ABL1: variants seen among roughly 807,000 people sequenced by gnomAD.
The protein encoded by ABL1 is tyrosine-protein kinase ABL1.
Under a neutral mutation model 94.7 loss-of-function variants are expected in ABL1, and 11 were observed. The observed-to-expected ratio is 0.12, with a 90% CI of 0.07 to 0.19. ABL1 has a LOEUF of 0.19. ABL1 is among the 10% of genes least tolerant of loss of function. The pLI is 1.00. For missense variants in ABL1, 1,082 were observed against 1,489.4 expected, an observed-to-expected ratio of 0.73 and a Z score of 4.50; for synonymous variants, 656 against 622.4, an observed-to-expected ratio of 1.05 and a Z score of -0.80.
chr9:130,767,440 C>G (rs532442690), intron 1 of ABL1, among the ~76,000 whole-genome samples: 1 of 152,328 alleles, frequency 6.6e-6, no homozygotes, highest in Admixed American at 6.5e-5. Flanking sequence ...TCAAGCGATT[C>G]TTGTGCCTCA....
chr9:130,751,630 A>ATC (rs10631003), intron 1 of ABL1, among the ~76,000 whole-genome samples: 151,643 of 152,188 alleles, frequency 1, 75,552 homozygotes, highest in East Asian at 1. Context: ...CAGCTGTAGA[A>ATC]TCTGCCACAA....
At chr9:130,723,569 A>G (rs1395803015) in intron 1 of ABL1, among the ~76,000 whole-genome samples, 1 of 151,862 alleles carries the variant, frequency 6.6e-6, no homozygotes, top group Non-Finnish European at 1.5e-5. Flanking sequence ...CAAACAAACA[A>G]ACAAAAAACA....
intron 1 of ABL1, among the ~76,000 whole-genome samples, chr9:130,787,671 T>C (rs11244140): frequency 0.24 from 36,274 of 152,064 alleles, 5,590 homozygotes; most frequent in African/African-American, 0.45. Context: ...CCAGTCGTCG[T>C]CACGAGCACC....
chr9:130,779,329 A>G (rs1279748429), intron 1 of ABL1, among the ~76,000 whole-genome samples: 1 of 152,282 alleles, frequency 6.6e-6, no homozygotes, highest in Non-Finnish European at 1.5e-5. Flanking sequence ...CTGGAAAAGC[A>G]GCAGCACAGT....
intron 7 of ABL1, among the ~76,000 whole-genome samples, chr9:130,877,663 C>T (rs1475875369): frequency 6.9e-6 from 1 of 144,948 alleles, no homozygotes; most frequent in Non-Finnish European, 1.5e-5. Context: ...ATTTTTGAGA[C>T]GGGGTCTTGC....
At chr9:130,748,288 T>C (rs575988199) in intron 1 of ABL1, among the ~76,000 whole-genome samples, 9 of 152,372 alleles carry the variant, frequency 5.9e-5, no homozygotes, top group South Asian at 2.1e-4. Context: ...TTTGTCGTTA[T>C]ACAGTATGGT....
chr9:130,851,766 CTTTTTT>C (rs149948786), intron 1 of ABL1, among the ~76,000 whole-genome samples: 1 of 122,792 alleles, frequency 8.1e-6, no homozygotes, highest in African/African-American at 3.1e-5. Context: ...CTCTCTTTTT[CTTTTTT>C]TTTTTTTTTT....
intron 1 of ABL1, among the ~76,000 whole-genome samples, chr9:130,730,060 T>TTTTTTTTTTTTTTTTA (rs1831642886): frequency 7.0e-6 from 1 of 142,622 alleles, no homozygotes; most frequent in Non-Finnish European, 1.5e-5. Context: ...TTTTTTTTTT[T>TTTTTTTTTTTTTTTTA]GAGATGGAAT....
intron 1 of ABL1, among the ~76,000 whole-genome samples, chr9:130,771,290 G>A (rs1353038544): frequency 6.6e-6 from 1 of 150,836 alleles, no homozygotes; most frequent in Non-Finnish European, 1.5e-5. Context: ...TCACTATGTT[G>A]CCCAGGCTGG....
intron 1 of ABL1, among the ~76,000 whole-genome samples, chr9:130,802,174 C>T: frequency 6.7e-6 from 1 of 148,506 alleles, no homozygotes; most frequent in Admixed American, 6.9e-5. Flanking sequence ...CTCACTGCAA[C>T]TTTGGCCTCC....
intron 1 of ABL1, among the ~76,000 whole-genome samples, chr9:130,764,904 C>CAAGATTGT (rs1417643035): frequency 6.7e-6 from 1 of 149,090 alleles, no homozygotes; most frequent in Non-Finnish European, 1.5e-5. Context: ...TGCAGTGAGC[C>CAAGATTGT]AAGATTGTGC....
At chr9:130,737,976 G>A (rs1169241353) in intron 1 of ABL1, among the ~76,000 whole-genome samples, 2 of 151,796 alleles carry the variant, frequency 1.3e-5, no homozygotes, top group Non-Finnish European at 2.9e-5. Context: ...GATTACAGAT[G>A]TGCACCGCCA....
chr9:130,879,601 T>C (rs947275761), intron 8 of ABL1, among the ~76,000 whole-genome samples: 7 of 152,234 alleles, frequency 4.6e-5, no homozygotes, highest in Non-Finnish European at 8.8e-5. Context: ...GTTGTGCCAT[T>C]GTATGCTCCA....
chr9:130,772,448 A>C (rs1832264013), intron 1 of ABL1, among the ~76,000 whole-genome samples: 1 of 152,232 alleles, frequency 6.6e-6, no homozygotes, highest in Non-Finnish European at 1.5e-5. Context: ...CACTGGATTC[A>C]AATGCTAGAC....
intron 1 of ABL1, among the ~76,000 whole-genome samples, chr9:130,841,153 CTT>C (rs1035500345): frequency 6.9e-6 from 1 of 145,830 alleles, no homozygotes. Context: ...AATCTCATTT[CTT>C]TTTTTTTTTG....
intron 1 of ABL1, among the ~76,000 whole-genome samples, chr9:130,816,217 A>G (rs1830284367): frequency 6.6e-6 from 1 of 151,944 alleles, no homozygotes; most frequent in African/African-American, 2.4e-5. Context: ...GGGCCTTTGC[A>G]CTTGCTGTTC....
intron 1 of ABL1, among the ~76,000 whole-genome samples, chr9:130,829,075 G>A (rs1473997979): frequency 6.6e-6 from 1 of 152,134 alleles, no homozygotes; most frequent in African/African-American, 2.4e-5. Flanking sequence ...AATACTTACT[G>A]GAAACTAGAT....
In ABL1 at chr9:130,868,579, A is replaced by G. The variant is rs115386099; in HGVS notation, c.823-3550A>G. 8.4e-3 allele frequency among the ~76,000 whole-genome samples: 1,129 copies of G among 134,380 alleles called. 14 individuals carry two copies. The highest frequency in any genetic ancestry group is 0.031 in the African/African-American group (1,086 of 34,966). 88.2% of individuals were successfully genotyped at this position (134,380 alleles called of 152,430 possible). A position where few individuals can be genotyped will look rare whatever the true frequency, so the allele number is the denominator to read the frequency against. The stretch of plus-strand genomic sequence containing the variant: ...TGCCCAGTAGTTCAGGCTGGAGTGC[A>G]GTGGCATGATCTCAGTTCACTGCAA... On this transcript the variant is annotated intron_variant, in intron 4 of 10. Transcript: ENST00000318560.
At chr9:130,730,498 T>C (rs1399919427) in intron 1 of ABL1, among the ~76,000 whole-genome samples, 1 of 152,178 alleles carries the variant, frequency 6.6e-6, no homozygotes, top group African/African-American at 2.4e-5. Context: ...CTCTTGCCAG[T>C]TCACCTCTTT....
Sources: allele counts gnomAD v4.1 joint callset (sites outside exome capture counted in the v4.1 genomes callset), GRCh38; gene constraint gnomAD v4.1.1; transcripts MANE v1.5; gene names NCBI Gene and HGNC (gene_info 2026-07-23, HGNC 2026-07-21).